The following MAP3K20 variants were observed in gnomAD, a reference collection of about 807,000 sequenced individuals.
MAP3K20 encodes the protein mitogen-activated protein kinase kinase kinase 20.
A neutral mutation model predicts 85.7 loss-of-function variants in MAP3K20; 40 were observed. That is an observed-to-expected ratio of 0.47 (90% CI 0.36 to 0.61). MAP3K20 has a LOEUF of 0.61. Among genes scored for constraint, MAP3K20 ranks in the 20% least tolerant of loss-of-function variants. MAP3K20 has a pLI of 0.00. For synonymous variants in MAP3K20, 325 were observed against 327.7 expected, an observed-to-expected ratio of 0.99 and a Z score of 0.09; for missense variants, 817 against 961.7, an observed-to-expected ratio of 0.85 and a Z score of 1.99.
chr2:173,175,430 T>G, intron 3 of MAP3K20, among the ~76,000 whole-genome samples: 1 of 152,214 alleles, frequency 6.6e-6, no homozygotes, highest in East Asian at 1.9e-4. Context: ...GGCCTACTTG[T>G]CCTTATGAAT....
At chr2:173,195,361 T>C (rs1407625930) in intron 7 of MAP3K20, among the ~76,000 whole-genome samples, 1 of 152,190 alleles carries the variant, frequency 6.6e-6, no homozygotes, top group Non-Finnish European at 1.5e-5. Context: ...GTAATGGCTT[T>C]CTATTGTTTG....
Position 173,139,197 on chromosome 2 carries a change from T to C in MAP3K20, c.160-30608T>C, listed in dbSNP as rs186994170. 1.6e-3 allele frequency among the ~76,000 whole-genome samples: 245 copies of C among 152,234 alleles called. 1 individual carries two copies. The highest frequency in any genetic ancestry group is 2.1e-3 in the Non-Finnish European group (144 of 68,000). On this transcript the variant is annotated intron_variant, in intron 2 of 19. Coordinates refer to ENST00000375213, the MANE Select transcript of MAP3K20 (RefSeq NM_016653.3). ...GAGAAGTACAGTGCTTAATCTGAGG[T>C]TTTTCTGGCTTTGGACCCAGTGTGT... is the stretch of plus-strand genomic sequence containing the variant.
At chr2:173,227,128 T>TAAACG (rs1364258117) in intron 11 of MAP3K20, 1 of 985,734 alleles carries the variant, frequency 1.0e-6, no homozygotes, top group African/African-American at 1.7e-5. Context: ...CATTTTGCAA[T>TAAACG]AAACGTTTTG....
intron 19 of MAP3K20, 141 bp downstream of exon 19, chr2:173,264,036 T>C: frequency 1.7e-6 from 2 of 1,202,726 alleles, no homozygotes; most frequent in African/African-American, 1.6e-5. Flanking sequence ...GAAAACCCAG[T>C]TGCAACTGGC....
At chr2:173,150,473 A>T (rs1689270513) in intron 2 of MAP3K20, among the ~76,000 whole-genome samples, 2 of 152,200 alleles carry the variant, frequency 1.3e-5, no homozygotes, top group African/African-American at 4.8e-5. Context: ...TAAAAGAGAG[A>T]GTGCTATTGC....
At chr2:173,185,790 C>T (rs1216073152) in intron 4 of MAP3K20, among the ~76,000 whole-genome samples, 3 of 152,202 alleles carry the variant, frequency 2.0e-5, no homozygotes, top group Non-Finnish European at 4.4e-5. Context: ...TTGCTGCAAG[C>T]TAATCAGCAA....
Position 173,238,420 on chromosome 2 carries a change from C to T in MAP3K20, c.1251C>T (p.Phe417=). 2 of 1,612,644 alleles carry T rather than the reference C, an allele frequency of 1.2e-6. No homozygotes were observed. Among genetic ancestry groups the T allele is most frequent in the Non-Finnish European group, 1.7e-6 (2 of 1,179,308 alleles). The change falls in exon 15 of 20, where the codon TTC becomes TTT. Residue 417 remains phenylalanine (F), a synonymous_variant. Transcript: ENST00000375213. ...LTHDYINLFH[F]PPLIKDSGGE... is the part of the protein sequence containing the mutation. The stretch of plus-strand genomic sequence containing the variant: ...ATGATTACATAAATTTGTTTCACTT[C>T]CCACCACTAATTAAGGTAAGTAAGG...
At chr2:173,243,593 G>A (rs945391879) in intron 16 of MAP3K20, among the ~76,000 whole-genome samples, 2 of 152,148 alleles carry the variant, frequency 1.3e-5, no homozygotes, top group Non-Finnish European at 2.9e-5. Context: ...ATTTTAAGAA[G>A]AGAGCAGATA....
At chr2:173,151,073 G>A (rs1251300603) in intron 2 of MAP3K20, among the ~76,000 whole-genome samples, 1 of 152,080 alleles carries the variant, frequency 6.6e-6, no homozygotes, top group African/African-American at 2.4e-5. Context: ...TTAGCTCCAG[G>A]GTTTTCAGAC....
Position 173,209,838 on chromosome 2 carries a change from G to A in MAP3K20, c.851+3G>A, listed in dbSNP as rs761455262. 4 of 1,613,374 alleles carry A rather than the reference G, an allele frequency of 2.5e-6. No homozygotes were observed. The highest frequency in any genetic ancestry group is 1.7e-5 in the Admixed American group (1 of 60,006). On this transcript the variant is annotated splice_donor_region_variant and intron_variant, in intron 10 of 19. Transcript: ENST00000375213. ...CTACACAACAAGGCGGAGTGGAGGT[G>A]GGTAGCCCCGACAGCAGGCCACAGC...
At chr2:173,175,601 A>C (rs973996792) in intron 3 of MAP3K20, among the ~76,000 whole-genome samples, 4 of 152,242 alleles carry the variant, frequency 2.6e-5, no homozygotes, top group African/African-American at 9.6e-5. Flanking sequence ...AAGTTTATAA[A>C]GTATTAATGA....
chr2:173,138,213 C>T (rs1342351014), intron 2 of MAP3K20, among the ~76,000 whole-genome samples: 1 of 152,160 alleles, frequency 6.6e-6, no homozygotes, highest in East Asian at 1.9e-4. Context: ...TCGTGTTTCG[C>T]CCGCCTCGGC....
At chr2:173,265,044 C>T (rs820006) in intron 19 of MAP3K20, among the ~76,000 whole-genome samples, 152,110 of 152,368 alleles carry the variant, frequency 1, 75,927 homozygotes, top group East Asian at 1. Context: ...ATACACACAA[C>T]AACAACAACA....
At chr2:173,224,462 C>G (rs978902789) in intron 11 of MAP3K20, 1 of 985,166 alleles carries the variant, frequency 1.0e-6, no homozygotes, top group African/African-American at 1.7e-5. Flanking sequence ...AGAAAAATAA[C>G]AGGACTCTGT....
intron 2 of MAP3K20, among the ~76,000 whole-genome samples, chr2:173,164,549 TTTAA>T (rs1267318461): frequency 6.6e-6 from 1 of 152,232 alleles, no homozygotes; most frequent in Admixed American, 6.5e-5. Flanking sequence ...AGCTCTTCAG[TTTAA>T]TTAGTCCCAT....
intron 11 of MAP3K20, among the ~76,000 whole-genome samples, chr2:173,228,746 C>G (rs1308080872): frequency 6.6e-6 from 1 of 152,134 alleles, no homozygotes; most frequent in African/African-American, 2.4e-5. Flanking sequence ...TACAAAATAC[C>G]TGTAAGTTAG....
At position 173,224,024 on chromosome 2, in the gene MAP3K20, A is replaced by G. The variant is rs1233979227; in HGVS notation, c.988-5665A>G. On this transcript the variant is annotated intron_variant, in intron 11 of 19. Transcript: ENST00000375213. ...TTCTCTGTGCCAGACACTGTTCTGG[A>G]AGATAGCTAGATGAAAATCTTTGCA... 5.1e-6 allele frequency: 5 copies of G among 983,344 alleles called. No individual in the cohort carries two copies. The African/African-American group carries it at 7.0e-5, about 14-fold the overall frequency. 60.9% of individuals were successfully genotyped at this position (983,344 alleles called of 1,614,324 possible).
intron 1 of MAP3K20, 40 bp downstream of exon 1, chr2:173,076,042 G>A: frequency 1.0e-6 from 1 of 982,476 alleles, no homozygotes; most frequent in East Asian, 1.1e-4. Context: ...CGGGGAGGGA[G>A]GGGGCGAGGC....
At chr2:173,248,302 G>A (rs1428744537) in intron 16 of MAP3K20, among the ~76,000 whole-genome samples, 2 of 152,066 alleles carry the variant, frequency 1.3e-5, no homozygotes, top group African/African-American at 2.4e-5. Context: ...GGGAGGGTAG[G>A]GTTGAGCCCC....
Sources: gnomAD v4.1 joint callset for allele counts (sites outside exome capture counted in the v4.1 genomes callset) on GRCh38, gnomAD v4.1.1 for gene constraint, MANE v1.5 for transcripts, NCBI Gene and HGNC (gene_info 2026-07-23, HGNC 2026-07-21) for gene names.